MYO7A: variants seen among roughly 807,000 people sequenced by gnomAD.
The protein encoded by MYO7A is myosin VIIA.
In MYO7A, 210 loss-of-function variants were observed where a neutral mutation model predicts 263.8. The ratio of observed to expected loss-of-function variants is 0.80; its 90% CI spans 0.71 to 0.89. MYO7A has a LOEUF of 0.89. MYO7A is among the 40% of genes least tolerant of loss of function. The pLI is 0.00. For synonymous variants in MYO7A, 1,239 were observed against 1,197.3 expected (o/e 1.03, Z -0.72); for missense variants, 2,820 against 2,968.3 (o/e 0.95, Z 1.16).
intron 37 of MYO7A, among the ~76,000 whole-genome samples, 175 bp downstream of exon 37, chr11:77,202,599 A>T (rs1011464360): frequency 6.6e-6 from 1 of 151,978 alleles, no homozygotes; most frequent in Non-Finnish European, 1.5e-5. Context: ...TATGTGTCTC[A>T]TCTTATCTTC....
chr11:77,183,369 G>GC lies in MYO7A; in HGVS notation c.3375+214dup, dbSNP rs544654542. On this transcript the variant is annotated intron_variant, in intron 26 of 48. Coordinates refer to ENST00000409709, the MANE Select transcript of MYO7A (RefSeq NM_000260.4). ...GTGTCTGAAGAGGGTGGGATCTCAG[G>GC]CCGGGGGTGGGAAGGGCTTCCTAGC... 5.1e-4 allele frequency among the ~76,000 whole-genome samples: 77 copies of GC among 152,316 alleles called. 1 individual carries two copies. The East Asian group carries it at 0.011, about 22-fold the overall frequency.
Position 77,166,099 on chromosome 11 carries a change from C to G in MYO7A, c.1734C>G (p.Ile578Met). 6.2e-7 allele frequency: 1 copy of G among 1,613,922 alleles called. No individual in the cohort carries two copies. The highest frequency in any genetic ancestry group is 8.5e-7 in the Non-Finnish European group (1 of 1,179,870). Reference protein sequence around the residue: ...KNRDTLHGDIIQLVHSSRNKF... With the variant: ...KNRDTLHGDIMQLVHSSRNKF... ...GAGACACCCTGCATGGGGACATTAT[C>G]CAGCTGGTCCACTCCTCCAGGAACA... The change falls in exon 15 of 49, where the codon ATC (isoleucine) becomes ATG (methionine). Residue 578 changes from isoleucine to methionine, a missense_variant. By Grantham distance (10) the Ile-to-Met change is conservative. Coordinates refer to ENST00000409709, the MANE Select transcript of MYO7A (RefSeq NM_000260.4).
Position 77,180,386 on chromosome 11 carries a change from C to T in MYO7A, c.2599C>T (p.Leu867Phe), listed in dbSNP as rs1555083335. 1 of 1,612,536 alleles carries T rather than the reference C, an allele frequency of 6.2e-7. No individual in the cohort carries two copies. Among genetic ancestry groups the T allele is most frequent in the South Asian group, 1.1e-5 (1 of 90,888 alleles). Residue 867 changes from leucine (L) to phenylalanine (F), a missense_variant, in exon 22 of 49, where the codon CTC becomes TTC. Transcript: ENST00000409709. ...QRLRAEYLWR[L>F]EAEKMRLAEE... ...CCCCTTCCCTCAGTATCTGTGGCGCCTCGAGGCTGAGAAAATGCGGCTGGC... is the reference window on the plus strand; with the variant it reads ...CCCCTTCCCTCAGTATCTGTGGCGCTTCGAGGCTGAGAAAATGCGGCTGGC...
intron 15 of MYO7A, among the ~76,000 whole-genome samples, chr11:77,172,199 G>T (rs915447334): frequency 6.6e-6 from 1 of 152,202 alleles, no homozygotes; most frequent in Non-Finnish European, 1.5e-5. Context: ...TCTGACCCTT[G>T]TCACAGCCTG....
At chr11:77,160,040 G>A in intron 10 of MYO7A, 123 bp from the exon 11 acceptor site, 2 of 1,405,564 alleles carry the variant, frequency 1.4e-6, no homozygotes, top group Non-Finnish European at 9.4e-7. Context: ...GGGCCCTGGG[G>A]CAGGCGTGCT....
chr11:77,212,207 T>C (rs1227421279), intron 46 of MYO7A: 2 of 580,196 alleles, frequency 3.4e-6, no homozygotes, highest in Admixed American at 2.2e-5. Context: ...GTTCTGACAC[T>C]GGGGAGCCCT....
chr11:77,197,390 C>G, intron 32 of MYO7A, 91 bp from the exon 33 acceptor site: 1 of 957,598 alleles, frequency 1.0e-6, no homozygotes, highest in South Asian at 1.6e-5. Flanking sequence ...GAGCCCCAGG[C>G]TGCTCCTGGC....
intron 27 of MYO7A, among the ~76,000 whole-genome samples, chr11:77,186,876 A>T (rs782133695): frequency 6.6e-6 from 1 of 152,202 alleles, no homozygotes; most frequent in Non-Finnish European, 1.5e-5. Flanking sequence ...GGCTTTCAAC[A>T]TGCTTTCCTC....
chr11:77,195,248 T>C (rs1026267286), intron 32 of MYO7A, among the ~76,000 whole-genome samples: 1 of 152,102 alleles, frequency 6.6e-6, no homozygotes, highest in African/African-American at 2.4e-5. Context: ...CCCGCCAGCC[T>C]CTGCCTCTCC....
chr11:77,185,497 C>T (rs1955587285), intron 27 of MYO7A, among the ~76,000 whole-genome samples: 1 of 152,234 alleles, frequency 6.6e-6, no homozygotes, highest in South Asian at 2.1e-4. Flanking sequence ...TCCTCATCCA[C>T]TGAAATTTGA....
In MYO7A at chr11:77,159,464, C is replaced by G. The variant is rs782765242; in HGVS notation, c.1021C>G (p.Leu341Val). 2 of 1,412,028 alleles carry G rather than the reference C, an allele frequency of 1.4e-6. No individual in the cohort carries two copies. The highest frequency in any genetic ancestry group is 1.9e-6 in the Non-Finnish European group (2 of 1,046,748). 87.5% of individuals were successfully genotyped at this position (1,412,028 alleles called of 1,614,324 possible). Residue 341 changes from leucine (L) to valine (V), a missense_variant, in exon 10 of 49, where the codon CTG becomes GTG. Leu to Val is a conservative substitution (Grantham distance 32). Transcript: ENST00000409709. ...GCCAACAGCACGCACATTTGAAAAC[C>G]TGGATGCCTGTGAGGTTCTCTTCTC... The part of the protein sequence containing the change: ...LQYEARTFEN[L>V]DACEVLFSPS...
chr11:77,192,915 G>GGTAGTTGTTTGTGATGGTGGA lies in MYO7A; in HGVS notation c.4152+638_4152+639insTAGTTGTTTGTGATGGTGGAG, dbSNP rs1565441983. On this transcript the variant is annotated intron_variant, in intron 31 of 48. Transcript: ENST00000409709. ...TAGTGATGGTGTTGGTGATGGTGGAGGGTAGTGATGGTGTTGTTTGTGATG... is the reference window on the plus strand; with the variant it reads ...TAGTGATGGTGTTGGTGATGGTGGAGGTAGTTGTTTGTGATGGTGGAGGTAGTGATGGTGTTGTTTGTGATG... Among the ~76,000 whole-genome samples, 7 of 5,776 alleles carry GGTAGTTGTTTGTGATGGTGGA rather than the reference G, an allele frequency of 1.2e-3. 1 individual carries two copies. Among genetic ancestry groups the GGTAGTTGTTTGTGATGGTGGA allele is most frequent in the Admixed American group, 7.9e-3 (3 of 380 alleles). The allele number at this position is 5,776 out of a possible 152,430, so 3.8% of individuals were successfully genotyped here.
intron 32 of MYO7A, among the ~76,000 whole-genome samples, chr11:77,195,938 G>C (rs1008400531): frequency 5.3e-5 from 8 of 152,244 alleles, no homozygotes; most frequent in African/African-American, 1.9e-4. Context: ...GCCTGCAGAT[G>C]GCTGTCTTCT....
At chr11:77,143,934 A>G (rs1043840412) in intron 3 of MYO7A, among the ~76,000 whole-genome samples, 3 of 152,166 alleles carry the variant, frequency 2.0e-5, no homozygotes, top group Admixed American at 2.0e-4. Flanking sequence ...GCATCCCCTC[A>G]GAGTTTGCAA....
intron 29 of MYO7A, 56 bp downstream of exon 29, chr11:77,190,195 C>CGT (rs143556375): frequency 1.3e-4 from 176 of 1,375,642 alleles, no homozygotes; most frequent in Middle Eastern, 4.2e-4. Flanking sequence ...TGTGTAAATG[C>CGT]GTGTGTGTGT....
chr11:77,201,298 G>A, intron 35 of MYO7A, 150 bp from the exon 36 acceptor site: 1 of 766,056 alleles, frequency 1.3e-6, no homozygotes, highest in Non-Finnish European at 2.1e-6. Context: ...GCCCACTCTG[G>A]TGATGGTCTC....
chr11:77,166,521 G>A (rs1426340421), intron 15 of MYO7A, among the ~76,000 whole-genome samples: 1 of 152,174 alleles, frequency 6.6e-6, no homozygotes, highest in African/African-American at 2.4e-5. Context: ...TGGGGTGGGT[G>A]TGGATACTCA....
At chr11:77,130,476 C>A (rs183641428) in intron 1 of MYO7A, 113 bp from the exon 2 acceptor site, 3 of 751,144 alleles carry the variant, frequency 4.0e-6, no homozygotes, top group African/African-American at 1.7e-5. Context: ...AAGGAGGGTT[C>A]CCTTGAGGGA....
chr11:77,162,291 C>T lies in MYO7A; in HGVS notation c.1515C>T (p.Asn505=), dbSNP rs1453674881. The part of the protein sequence containing the change: ...ALDMIANKPM[N]IISLIDEESK... ...ACATGATTGCCAACAAGCCCATGAA[C>T]ATCATCTCCCTCATCGATGAGGAGA... The change falls in exon 13 of 49, where the codon AAC becomes AAT. Residue 505 remains asparagine (N), a synonymous_variant. Coordinates refer to ENST00000409709, the MANE Select transcript of MYO7A (RefSeq NM_000260.4). The T allele has an allele frequency of 3.2e-6, 5 of 1,552,576 alleles. No individual in the cohort carries two copies. The highest frequency in any genetic ancestry group is 3.5e-6 in the Non-Finnish European group (4 of 1,147,476).
Sources: gnomAD v4.1 joint callset for allele counts (sites outside exome capture counted in the v4.1 genomes callset) on GRCh38, gnomAD v4.1.1 for gene constraint, MANE v1.5 for transcripts, NCBI Gene and HGNC (gene_info 2026-07-23, HGNC 2026-07-21) for gene names.